Variants in KIF13A observed in about 807,000 individuals in gnomAD.
KIF13A encodes kinesin-like protein KIF13A.
Under a neutral mutation model 212.2 loss-of-function variants are expected in KIF13A, and 79 were observed. The observed-to-expected ratio is 0.37, with a 90% CI of 0.31 to 0.45. The LOEUF (loss-of-function observed/expected upper bound fraction) is 0.45, where lower values mean the gene tolerates loss of function less well. KIF13A is among the 20% of genes least tolerant of loss of function. The pLI is 1.00. For missense variants in KIF13A, 1,901 were observed against 2,209.0 expected (o/e 0.86, Z 2.79); for synonymous variants, 789 against 808.6 (o/e 0.98, Z 0.41).
At chr6:17,977,626 A>G (rs1029631890) in intron 2 of KIF13A, among the ~76,000 whole-genome samples, 1 of 152,278 alleles carries the variant, frequency 6.6e-6, no homozygotes, top group African/African-American at 2.4e-5. Context: ...GCAACAGCAA[A>G]TATTTGTATT....
chr6:17,857,454 T>A (rs1285880637), intron 4 of KIF13A, among the ~76,000 whole-genome samples: 1 of 152,136 alleles, frequency 6.6e-6, no homozygotes, highest in African/African-American at 2.4e-5. Context: ...CGCTGCCATG[T>A]AAGACGTGCC....
chr6:17,935,483 A>G (rs1426066363), intron 2 of KIF13A, among the ~76,000 whole-genome samples: 1 of 152,184 alleles, frequency 6.6e-6, no homozygotes, highest in African/African-American at 2.4e-5. Flanking sequence ...TCAGAAGCTC[A>G]GTTCTGGGGC....
intron 9 of KIF13A, among the ~76,000 whole-genome samples, chr6:17,847,133 A>T (rs1407137752): frequency 6.6e-6 from 1 of 151,790 alleles, no homozygotes; most frequent in Non-Finnish European, 1.5e-5. Flanking sequence ...ACACACACAC[A>T]CTCTAAATTC....
In KIF13A at chr6:17,771,560, C is replaced by A. The variant is rs967167313; in HGVS notation, c.4477-342G>T. On this transcript the variant is annotated intron_variant, in intron 37 of 38. Coordinates refer to ENST00000259711, the MANE Select transcript of KIF13A (RefSeq NM_022113.6). The surrounding 1 kb of genome is among the most constrained non-coding windows in gnomAD (Gnocchi z 5.4). ...TGGGCAACACAGCAAGACCCTATCT[C>A]TATAAAAAACAAAATCAGAAATCCC... 3.0e-6 allele frequency: 1 copy of A among 334,560 alleles called. No homozygotes were observed. The highest frequency in any genetic ancestry group is 5.4e-6 in the Non-Finnish European group (1 of 184,478). 20.7% of individuals were successfully genotyped at this position (334,560 alleles called of 1,614,324 possible). A position where few individuals can be genotyped will look rare whatever the true frequency, so the allele number is the denominator to read the frequency against.
At chr6:17,860,187 AT>A (rs1292283520) in intron 4 of KIF13A, among the ~76,000 whole-genome samples, 3 of 151,354 alleles carry the variant, frequency 2.0e-5, no homozygotes, top group African/African-American at 4.9e-5. Flanking sequence ...ACACTGCACA[AT>A]TTTTTTTTCT....
intron 3 of KIF13A, among the ~76,000 whole-genome samples, chr6:17,896,029 T>G (rs751019022): frequency 5.3e-5 from 8 of 152,226 alleles, no homozygotes; most frequent in Non-Finnish European, 1.0e-4. Flanking sequence ...GAATTGGTTC[T>G]AGAACCCCCA....
At chr6:17,864,557 T>C (rs1021230088) in intron 4 of KIF13A, among the ~76,000 whole-genome samples, 2 of 152,222 alleles carry the variant, frequency 1.3e-5, no homozygotes, top group Admixed American at 1.3e-4. Flanking sequence ...GGTGTGATTA[T>C]AGCTCACTAC....
intron 38 of KIF13A, among the ~76,000 whole-genome samples, chr6:17,767,389 G>A (rs1759099021): frequency 6.6e-6 from 1 of 152,046 alleles, no homozygotes; most frequent in East Asian, 1.9e-4. Context: ...CAAGTAGCTG[G>A]GATTACAGGT....
At chr6:17,962,606 C>G (rs572907388) in intron 2 of KIF13A, among the ~76,000 whole-genome samples, 1 of 152,284 alleles carries the variant, frequency 6.6e-6, no homozygotes, top group Admixed American at 6.5e-5. Context: ...TCAGGAACAG[C>G]TGATGCTGGT....
chr6:17,782,792 G>A (rs1257810016), intron 29 of KIF13A, among the ~76,000 whole-genome samples: 2 of 152,108 alleles, frequency 1.3e-5, no homozygotes, highest in Admixed American at 1.3e-4. Flanking sequence ...TCAAAGTTCT[G>A]AGCACTTGGG....
chr6:17,981,426 CTTTTTTTTTTTT>C (rs565958562), intron 2 of KIF13A, among the ~76,000 whole-genome samples: 1 of 134,292 alleles, frequency 7.4e-6, no homozygotes, highest in African/African-American at 2.8e-5. Flanking sequence ...TTTCTTTTTT[CTTTTTTTTTTTT>C]TTTTTGAGAC....
chr6:17,922,303 G>A (rs147009021), intron 2 of KIF13A, among the ~76,000 whole-genome samples: 1 of 152,240 alleles, frequency 6.6e-6, no homozygotes, highest in Admixed American at 6.5e-5. Context: ...CCAACTCAAG[G>A]GATCTGTGGC....
intron 3 of KIF13A, among the ~76,000 whole-genome samples, chr6:17,882,857 C>T (rs1435316889): frequency 6.6e-6 from 1 of 152,110 alleles, no homozygotes; most frequent in East Asian, 1.9e-4. Flanking sequence ...GCACGGCACC[C>T]GGCCTGCTTA....
chr6:17,969,283 G>T (rs917105050), intron 2 of KIF13A, among the ~76,000 whole-genome samples: 1 of 152,164 alleles, frequency 6.6e-6, no homozygotes, highest in African/African-American at 2.4e-5. Context: ...TTGACCACAC[G>T]GCTGGAGGCT....
In KIF13A at chr6:17,956,312, A is replaced by G. The variant is rs182293442; in HGVS notation, c.146+30742T>C. Among the ~76,000 whole-genome samples the G allele has an allele frequency of 4.5e-4, 69 of 152,346 alleles. 1 individual carries two copies. The East Asian group carries it at 0.01, about 23-fold the overall frequency. Reference sequence around the variant, plus strand: ...TACTGCTCTGTTATTAGACTCAACAATAGGTCCATTACAAAGAAGGTCCAG... The same window carrying G: ...TACTGCTCTGTTATTAGACTCAACAGTAGGTCCATTACAAAGAAGGTCCAG... On this transcript the variant is annotated intron_variant, in intron 2 of 38. Transcript: ENST00000259711.
chr6:17,797,940 A>C (rs1245780598), intron 22 of KIF13A, among the ~76,000 whole-genome samples: 6 of 152,154 alleles, frequency 3.9e-5, no homozygotes, highest in Non-Finnish European at 7.3e-5. Flanking sequence ...TGAGGAAATG[A>C]ATACTGAACT....
intron 2 of KIF13A, among the ~76,000 whole-genome samples, chr6:17,979,084 G>C (rs1581937955): frequency 6.6e-6 from 1 of 152,170 alleles, no homozygotes; most frequent in Non-Finnish European, 1.5e-5. Context: ...CTTGAGGCCG[G>C]AAGTTTGAGA....
At chr6:17,894,638 G>A (rs1334305830) in intron 3 of KIF13A, among the ~76,000 whole-genome samples, 1 of 151,888 alleles carries the variant, frequency 6.6e-6, no homozygotes, top group Non-Finnish European at 1.5e-5. Flanking sequence ...TATTAGTGTG[G>A]TACATTTGTT....
chr6:17,876,629 ATT>A (rs1770584320), intron 3 of KIF13A, among the ~76,000 whole-genome samples: 1 of 99,756 alleles, frequency 1.0e-5, no homozygotes, highest in African/African-American at 3.2e-5. Context: ...GACAGCATTC[ATT>A]CATTCATTCA....
Sources: allele counts gnomAD v4.1 joint callset (sites outside exome capture counted in the v4.1 genomes callset), GRCh38; gene constraint gnomAD v4.1.1; non-coding constraint Gnocchi (gnomAD v3.1); transcripts MANE v1.5; gene names NCBI Gene and HGNC (gene_info 2026-07-23, HGNC 2026-07-21).